ADAMTS13: variants seen among roughly 807,000 people sequenced by gnomAD.
The protein encoded by ADAMTS13 is A disintegrin and metalloproteinase with thrombospondin motifs 13.
In ADAMTS13, 110 loss-of-function variants were observed where a neutral mutation model predicts 155.1. The observed-to-expected ratio is 0.71, with a 90% confidence interval of 0.61 to 0.83. The LOEUF is 0.83. Among genes scored for constraint, ADAMTS13 ranks in the 40% least tolerant of loss-of-function variants. ADAMTS13 has a pLI of 0.00. For synonymous variants in ADAMTS13, 758 were observed against 756.4 expected (o/e 1.00, Z -0.03); for missense variants, 1,707 against 1,891.7 (o/e 0.90, Z 1.81).
At chr9:133,427,032 A>G (rs1840329254) in intron 6 of ADAMTS13, among the ~76,000 whole-genome samples, 1 of 152,054 alleles carries the variant, frequency 6.6e-6, no homozygotes, top group Non-Finnish European at 1.5e-5. Flanking sequence ...CGAACTCCCA[A>G]CCTCAGGTGA....
chr9:133,426,144 C>T, intron 5 of ADAMTS13, 55 bp from the exon 6 acceptor site: 1 of 1,613,970 alleles, frequency 6.2e-7, no homozygotes, highest in Non-Finnish European at 8.5e-7. Context: ...CAAAGGTGAC[C>T]CCAGGGCAGG....
Position 133,456,124 on chromosome 9 carries a change from A to T in ADAMTS13, c.3456A>T (p.Pro1152=). ...CAGGAACCATTGACATGCGAGGCCC[A>T]GGGCAGGCAGACTGTGCAGTGGCCA... The part of the protein sequence containing the change: ...EPTGTIDMRG[P]GQADCAVAIG... Residue 1152 remains proline, a synonymous_variant, in exon 26 of 29, where the codon CCA becomes CCT. Coordinates refer to ENST00000355699, the MANE Select transcript of ADAMTS13 (RefSeq NM_139027.6). This position sits in a 1 kb window ranked among gnomAD's most constrained non-coding sequence, Gnocchi z 4.4. The T allele has an allele frequency of 1.9e-6, 3 of 1,613,378 alleles. No individual in the cohort carries two copies. The highest frequency in any genetic ancestry group is 2.5e-6 in the Non-Finnish European group (3 of 1,180,036).
upstream of ADAMTS13, chr9:133,417,986 A>G (rs1023452279): frequency 1.2e-5 from 9 of 737,358 alleles, no homozygotes; most frequent in Non-Finnish European, 1.9e-5. Flanking sequence ...AAGACTCCGG[A>G]AGAGACCCCG....
At position 133,428,653 on chromosome 9, in the gene ADAMTS13, G is replaced by C. The variant is rs781916049; in HGVS notation, c.706G>C (p.Gly236Arg). Reference protein sequence around the residue: ...IGHSFGLEHDGAPGSGCGPSG... With the variant: ...IGHSFGLEHDRAPGSGCGPSG... Reference sequence around the variant, plus strand: ...GACCAGCTTCGGCCTGGAGCACGACGGCGCGCCCGGCAGCGGCTGCGGCCC... The same window carrying C: ...GACCAGCTTCGGCCTGGAGCACGACCGCGCGCCCGGCAGCGGCTGCGGCCC... Residue 236 changes from glycine to arginine, a missense_variant, in exon 7 of 29, where the codon GGC (glycine) becomes CGC (arginine). By Grantham distance (125) the Gly-to-Arg change is moderately radical (BLOSUM62 -2). Transcript: ENST00000355699. 8.3e-6 allele frequency: 11 copies of C among 1,332,716 alleles called. No individual in the cohort carries two copies. Among genetic ancestry groups the C allele is most frequent in the Non-Finnish European group, 7.7e-6 (8 of 1,036,136 alleles). 82.6% of individuals were successfully genotyped at this position (1,332,716 alleles called of 1,614,324 possible).
Position 133,425,949 on chromosome 9 carries a change from T to C in ADAMTS13, c.426T>C (p.Asn142=). The change falls in exon 5 of 29, where the codon AAT becomes AAC. Residue 142 remains asparagine (N), a synonymous_variant. Coordinates refer to ENST00000355699, the MANE Select transcript of ADAMTS13 (RefSeq NM_139027.6). This position sits in a 1 kb window ranked among gnomAD's most constrained non-coding sequence, Gnocchi z 4.6. ...CTGTGGGTCCGCAGGGTGCTCCAAA[T>C]ATCACAGCCAACCTCACCTCGTCCC... is the stretch of plus-strand genomic sequence containing the variant. ...VILTEPEGAP[N]ITANLTSSLL... 6.2e-7 allele frequency: 1 copy of C among 1,613,664 alleles called. No individual in the cohort carries two copies. The highest frequency in any genetic ancestry group is 8.5e-7 in the Non-Finnish European group (1 of 1,180,026).
chr9:133,436,782 G>GCCCCCCCCCCCCCCCCCCACCCC, intron 11 of ADAMTS13, 47 bp from the exon 12 acceptor site: 1 of 653,248 alleles, frequency 1.5e-6, no homozygotes, highest in Non-Finnish European at 2.2e-6. Context: ...GACAACACCC[G>GCCCCCCCCCCCCCCCCCCACCCC]CCCCCCGCCC....
chr9:133,433,332 G>A (rs1840913256), intron 9 of ADAMTS13, 46 bp from the exon 10 acceptor site: 3 of 1,609,884 alleles, frequency 1.9e-6, no homozygotes, highest in African/African-American at 1.3e-5. Context: ...GAGTCCTGTG[G>A]TGGGGTCACT....
At chr9:133,429,795 G>C in intron 7 of ADAMTS13, 144 bp from the exon 8 acceptor site, 1 of 1,133,298 alleles carries the variant, frequency 8.8e-7, no homozygotes, top group Admixed American at 2.0e-5. Context: ...GCTCCTGGTG[G>C]GGGGCGCGGG....
Position 133,458,071 on chromosome 9 carries a change from G to A in ADAMTS13, c.3886G>A (p.Gly1296Arg), listed in dbSNP as rs781870882. ...LATNMGAGTE[G>R]ANASYILIRD... ...CACCAACATGGGCGCTGGGACCGAGGGAGCCAATGCCAGCTACATCTTGGT... is the reference window on the plus strand; with the variant it reads ...CACCAACATGGGCGCTGGGACCGAGAGAGCCAATGCCAGCTACATCTTGGT... The change falls in exon 28 of 29, where the codon GGA becomes AGA. Residue 1296 changes from glycine (G) to arginine (R), a missense_variant. By Grantham distance (125) the Gly-to-Arg change is moderately radical. This residue lies in a region of ADAMTS13 where 961 missense variants were observed against 1,107.9 expected (regional missense o/e 0.87). Coordinates refer to ENST00000355699, the MANE Select transcript of ADAMTS13 (RefSeq NM_139027.6). 12 of 1,613,314 alleles carry A rather than the reference G, an allele frequency of 7.4e-6. No individual in the cohort carries two copies. In the South Asian group the frequency reaches 1.1e-4, roughly 15 times the overall value.
rs1554785124 is a variant in ADAMTS13 at position 133,425,944 on chromosome 9, C to G, written c.421C>G (p.Pro141Ala). The G allele has an allele frequency of 1.2e-6, 2 of 1,613,542 alleles. No individual in the cohort carries two copies. Among genetic ancestry groups the G allele is most frequent in the East Asian group, 2.2e-5 (1 of 44,870 alleles). The change falls in exon 5 of 29, where the codon CCA (proline) becomes GCA (alanine). Residue 141 changes from proline to alanine, a missense_variant. By Grantham distance (27) the Pro-to-Ala change is conservative. Coordinates refer to ENST00000355699, the MANE Select transcript of ADAMTS13 (RefSeq NM_139027.6). The surrounding 1 kb of genome is among the most constrained non-coding windows in gnomAD (Gnocchi z 4.6). Reference protein sequence around the residue: ...MVILTEPEGAPNITANLTSSL... With the variant: ...MVILTEPEGAANITANLTSSL... ...CTTTGCTGTGGGTCCGCAGGGTGCT[C>G]CAAATATCACAGCCAACCTCACCTC...
intron 23 of ADAMTS13, among the ~76,000 whole-genome samples, chr9:133,451,117 G>A (rs920401864): frequency 6.6e-6 from 1 of 152,160 alleles, no homozygotes; most frequent in African/African-American, 2.4e-5. Context: ...GTTTCTTTTT[G>A]TAGGTTTGCA....
rs1248550474 is a variant in ADAMTS13 at position 133,445,987 on chromosome 9, C to T, written c.2731+168C>T. On this transcript the variant is annotated intron_variant, in intron 21 of 28. Coordinates refer to ENST00000355699, the MANE Select transcript of ADAMTS13 (RefSeq NM_139027.6). The surrounding 1 kb of genome is among the most constrained non-coding windows in gnomAD (Gnocchi z 5.0). ...GACTAAGCATAGTAGCTGACAGCCACTTCAAATGTGGGTGTTGATTGGCTG... is the reference window on the plus strand; with the variant it reads ...GACTAAGCATAGTAGCTGACAGCCATTTCAAATGTGGGTGTTGATTGGCTG... 2.0e-5 allele frequency among the ~76,000 whole-genome samples: 3 copies of T among 152,172 alleles called. No individual in the cohort carries two copies. Among genetic ancestry groups the T allele is most frequent in the South Asian group, 2.1e-4 (1 of 4,828 alleles).
In ADAMTS13 at chr9:133,425,544, C is replaced by T. The variant is rs782209298; in HGVS notation, c.346C>T (p.Arg116Trp). 36 of 1,613,302 alleles carry T rather than the reference C, an allele frequency of 2.2e-5. No individual in the cohort carries two copies. The highest frequency in any genetic ancestry group is 1.1e-4 in the African/African-American group (8 of 74,916). The part of the protein sequence containing the change: ...TNLNIGAELL[R>W]DPSLGAQFRV... ...CCTTGCACAGGGGGCAGAACTGCTT[C>T]GGGACCCGTCCCTGGGGGCTCAGTT... The change falls in exon 4 of 29, where the codon CGG (arginine) becomes TGG (tryptophan). Residue 116 changes from arginine to tryptophan, a missense_variant. Around this residue, in one of 3 missense-constraint regions of ADAMTS13, gnomAD observed 733 missense variants for 749.6 expected, o/e 0.98. Coordinates refer to ENST00000355699, the MANE Select transcript of ADAMTS13 (RefSeq NM_139027.6). This position sits in a 1 kb window ranked among gnomAD's most constrained non-coding sequence, Gnocchi z 4.6.
Position 133,424,256 on chromosome 9 carries a change from C to T in ADAMTS13, c.173-65C>T. 1 of 1,602,682 alleles carries T rather than the reference C, an allele frequency of 6.2e-7. No homozygotes were observed. Among genetic ancestry groups the T allele is most frequent in the Non-Finnish European group, 8.5e-7 (1 of 1,179,104 alleles). ...CCTTCCAAGACCTGCCAGCCCCTTT[C>T]CTGTTAGCTTTCCACTGCTTGCTCT... On this transcript the variant is annotated intron_variant, in intron 2 of 28. Transcript: ENST00000355699. This position sits in a 1 kb window ranked among gnomAD's most constrained non-coding sequence, Gnocchi z 4.3.
At chr9:133,421,846 A>G (rs915673063), upstream of ADAMTS13, among the ~76,000 whole-genome samples, 1 of 152,112 alleles carries the variant, frequency 6.6e-6, no homozygotes, top group African/African-American at 2.4e-5. Context: ...TGTGGGTGTA[A>G]AAGAGTGGTT....
At chr9:133,453,718 C>T (rs2130933223) in intron 23 of ADAMTS13, among the ~76,000 whole-genome samples, 1 of 152,270 alleles carries the variant, frequency 6.6e-6, no homozygotes, top group African/African-American at 2.4e-5. Context: ...ACACGACAGC[C>T]TCCACAGCAA....
Position 133,458,019 on chromosome 9 carries a change from C to T in ADAMTS13, c.3834C>T (p.His1278=), listed in dbSNP as rs782202074. The change falls in exon 28 of 29, where the codon CAC becomes CAT. Residue 1278 remains histidine, a synonymous_variant. Transcript: ENST00000355699. The part of the protein sequence containing the change: ...GCRLFINVAP[H]ARIAIHALAT... ...GGCTCTTCATTAATGTGGCTCCGCA[C>T]GCACGGATTGCCATCCATGCCCTGG... 33 of 1,613,336 alleles carry T rather than the reference C, an allele frequency of 2.0e-5. No individual in the cohort carries two copies. The highest frequency in any genetic ancestry group is 3.3e-4 in the Middle Eastern group (2 of 6,084).
In ADAMTS13 at chr9:133,443,553, C is replaced by A; in HGVS notation, c.2412C>A (p.Cys804Ter). The A allele has an allele frequency of 1.3e-6, 2 of 1,552,156 alleles. No homozygotes were observed. Among genetic ancestry groups the A allele is most frequent in the South Asian group, 1.2e-5 (1 of 84,838 alleles). ...VALETCNPQP[C>*]PARWEVSEPS... is the part of the protein sequence containing the mutation. ...TGGAAACCTGCAACCCCCAGCCCTG[C>A]CCTGCCAGGTGAGCCCAGGGCTAGG... Residue 804 changes from cysteine to a stop codon, truncating the protein, a stop_gained, in exon 19 of 29, where the codon TGC becomes TGA. Transcript: ENST00000355699. LOFTEE classifies it high-confidence loss of function.
intron 23 of ADAMTS13, among the ~76,000 whole-genome samples, chr9:133,452,360 G>T (rs1842485968): frequency 6.6e-6 from 1 of 151,782 alleles, no homozygotes; most frequent in Non-Finnish European, 1.5e-5. Flanking sequence ...GATCTGCCAG[G>T]TTCTGTTTTT....
Sources: gnomAD v4.1 joint callset for allele counts (sites outside exome capture counted in the v4.1 genomes callset) on GRCh38, gnomAD v4.1.1 for gene constraint, gnomAD v4.1.1 regional missense constraint, Gnocchi (gnomAD v3.1) non-coding constraint, MANE v1.5 for transcripts, NCBI Gene and HGNC (gene_info 2026-07-23, HGNC 2026-07-21) for gene names.